Variants in SGCZ observed in about 807,000 individuals in gnomAD.
SGCZ encodes the protein zeta-sarcoglycan.
A neutral mutation model predicts 41.3 loss-of-function variants in SGCZ; 40 were observed. The observed-to-expected ratio is 0.97, with a 90% CI of 0.75 to 1.26. SGCZ has a LOEUF of 1.26. Among genes scored for constraint, SGCZ ranks in the 50% most tolerant of loss-of-function variants. SGCZ has a pLI of 0.00. For synonymous variants in SGCZ, 206 were observed against 137.5 expected (o/e 1.50, Z -3.49); for missense variants, 552 against 369.8 (o/e 1.49, Z -4.04).
intron 7 of SGCZ, among the ~76,000 whole-genome samples, chr8:14,099,524 A>G (rs1801945906): frequency 6.6e-6 from 1 of 152,136 alleles, no homozygotes; most frequent in Non-Finnish European, 1.5e-5. Flanking sequence ...CAGGAGTTCC[A>G]GACAAGCCTG....
chr8:15,119,979 G>T (rs1807419069), intron 1 of SGCZ, among the ~76,000 whole-genome samples: 1 of 146,182 alleles, frequency 6.8e-6, no homozygotes, highest in Admixed American at 6.8e-5. Context: ...TCGGTTTTTT[G>T]GTGTTGCTTT....
chr8:14,848,719 A>G (rs1477095889), intron 1 of SGCZ, among the ~76,000 whole-genome samples: 2 of 152,208 alleles, frequency 1.3e-5, no homozygotes, highest in Non-Finnish European at 2.9e-5. Flanking sequence ...AAAAATGTAA[A>G]TCCTAAAGCA....
chr8:14,347,389 T>C (rs757815051), intron 2 of SGCZ, among the ~76,000 whole-genome samples: 8 of 152,126 alleles, frequency 5.3e-5, no homozygotes, highest in Non-Finnish European at 1.0e-4. Context: ...TTTCATTAAA[T>C]TATTAATTGT....
chr8:14,479,972 T>C (rs13256942), intron 2 of SGCZ, among the ~76,000 whole-genome samples: 22,560 of 152,134 alleles, frequency 0.15, 1,992 homozygotes, highest in South Asian at 0.2. Flanking sequence ...CTCGAATTCC[T>C]GACCTCAAGT....
chr8:14,183,138 A>G (rs1340038298), intron 4 of SGCZ, among the ~76,000 whole-genome samples: 3 of 152,194 alleles, frequency 2.0e-5, no homozygotes, highest in African/African-American at 4.8e-5. Context: ...AATGGTACAA[A>G]TATTTCATGG....
In SGCZ at chr8:14,155,614, TA is replaced by T. The variant is rs147513819; in HGVS notation, c.547+8965del. On this transcript the variant is annotated intron_variant, in intron 5 of 7. Coordinates refer to ENST00000382080, the MANE Select transcript of SGCZ (RefSeq NM_139167.4). ...TCTTGTACATTTTTAGTTGGCATTC[TA>T]TAGTAAAAATGATATTTATTCATTT... Among the ~76,000 whole-genome samples the T allele has an allele frequency of 9.4e-3, 1,424 of 152,048 alleles. 10 individuals are homozygous for T. The highest frequency in any genetic ancestry group is 0.014 in the Non-Finnish European group (964 of 67,990).
Position 14,868,267 on chromosome 8 carries a change from G to C in SGCZ, c.40-313341C>G, listed in dbSNP as rs578005032. Among the ~76,000 whole-genome samples the C allele has an allele frequency of 4.6e-5, 7 of 152,228 alleles. No individual in the cohort carries two copies. In the South Asian group the frequency reaches 1.4e-3, roughly 32 times the overall value. On this transcript the variant is annotated intron_variant, in intron 1 of 7. Coordinates refer to ENST00000382080, the MANE Select transcript of SGCZ (RefSeq NM_139167.4). ...TGCAACTCGGTGACCTCCCTCCTTGGTAAGCTCTGCTCAAATCTTGCATCT... is the reference window on the plus strand; with the variant it reads ...TGCAACTCGGTGACCTCCCTCCTTGCTAAGCTCTGCTCAAATCTTGCATCT...
intron 1 of SGCZ, among the ~76,000 whole-genome samples, chr8:15,166,629 TA>T (rs1053623260): frequency 6.6e-6 from 1 of 152,218 alleles, no homozygotes; most frequent in Non-Finnish European, 1.5e-5. Flanking sequence ...CTAAAAATTC[TA>T]ATGTCTGAGT....
At chr8:14,947,583 T>C (rs1800494011) in intron 1 of SGCZ, among the ~76,000 whole-genome samples, 1 of 152,168 alleles carries the variant, frequency 6.6e-6, no homozygotes, top group African/African-American at 2.4e-5. Context: ...ATAAAACTTG[T>C]ATACTTCCGT....
At chr8:14,385,436 T>G (rs1056831866) in intron 2 of SGCZ, among the ~76,000 whole-genome samples, 1 of 152,162 alleles carries the variant, frequency 6.6e-6, no homozygotes, top group Non-Finnish European at 1.5e-5. Context: ...AAAAGTATAT[T>G]ATAATGATGC....
At position 14,327,185 on chromosome 8, in the gene SGCZ, G is replaced by C. The variant is rs562926819; in HGVS notation, c.235-2981C>G. Among the ~76,000 whole-genome samples the C allele has an allele frequency of 2.1e-4, 32 of 152,268 alleles. No individual in the cohort carries two copies. The South Asian group carries it at 6.4e-3, about 31-fold the overall frequency. On this transcript the variant is annotated intron_variant, in intron 2 of 7. Coordinates refer to ENST00000382080, the MANE Select transcript of SGCZ (RefSeq NM_139167.4). ...TAATATGAAGACAGGTTTATCACCA[G>C]AAAGAGTAATTTTGGATTTGGAGAT...
At chr8:15,226,212 T>A (rs1449841821) in intron 1 of SGCZ, among the ~76,000 whole-genome samples, 1 of 152,186 alleles carries the variant, frequency 6.6e-6, no homozygotes, top group African/African-American at 2.4e-5. Flanking sequence ...CTTAGCTGGC[T>A]CACTGTGTAA....
At chr8:14,278,514 T>A (rs372647689) in intron 3 of SGCZ, among the ~76,000 whole-genome samples, 2 of 152,122 alleles carry the variant, frequency 1.3e-5, no homozygotes, top group African/African-American at 4.8e-5. Context: ...TTTAGGATTA[T>A]CCTGCCCAAC....
chr8:14,599,766 C>A (rs1805528461), intron 1 of SGCZ, among the ~76,000 whole-genome samples: 2 of 152,168 alleles, frequency 1.3e-5, no homozygotes, highest in Non-Finnish European at 1.5e-5. Context: ...CATTAGTCCT[C>A]ATTTCTGAAT....
At chr8:14,449,739 A>G (rs1254438055) in intron 2 of SGCZ, among the ~76,000 whole-genome samples, 1 of 152,138 alleles carries the variant, frequency 6.6e-6, no homozygotes, top group African/African-American at 2.4e-5. Flanking sequence ...GCAGTTGACC[A>G]GATGCTAATT....
intron 4 of SGCZ, among the ~76,000 whole-genome samples, chr8:14,201,714 T>G (rs1439246371): frequency 6.6e-6 from 1 of 152,154 alleles, no homozygotes; most frequent in Non-Finnish European, 1.5e-5. Flanking sequence ...TTTGACTATA[T>G]GCACCTGTCA....
chr8:15,187,627 T>C (rs1800386951), intron 1 of SGCZ, among the ~76,000 whole-genome samples: 2 of 152,150 alleles, frequency 1.3e-5, no homozygotes, highest in South Asian at 2.1e-4. Flanking sequence ...TAATAATAAC[T>C]TTTAGGCACA....
In SGCZ at chr8:14,435,943, A is replaced by C. The variant is rs74539996; in HGVS notation, c.235-111739T>G. The stretch of plus-strand genomic sequence containing the variant: ...AGGGTAACTGAACAAAGAATAATGA[A>C]AGGAAAATTGCCAAAAGTGTTTCAA... On this transcript the variant is annotated intron_variant, in intron 2 of 7. Coordinates refer to ENST00000382080, the MANE Select transcript of SGCZ (RefSeq NM_139167.4). 9.9e-3 allele frequency among the ~76,000 whole-genome samples: 1,508 copies of C among 152,256 alleles called. 24 individuals carry two copies. The highest frequency in any genetic ancestry group is 0.034 in the African/African-American group (1,415 of 41,550).
intron 3 of SGCZ, among the ~76,000 whole-genome samples, chr8:14,242,031 C>T (rs1409701060): frequency 3.9e-5 from 6 of 152,170 alleles, no homozygotes; most frequent in South Asian, 2.1e-4. Context: ...AGAAAGGAGA[C>T]AGACTTCTTT....
Sources: allele counts gnomAD v4.1 joint callset (sites outside exome capture counted in the v4.1 genomes callset), GRCh38; gene constraint gnomAD v4.1.1; transcripts MANE v1.5; gene names NCBI Gene and HGNC (gene_info 2026-07-23, HGNC 2026-07-21).